The following ATXN1 variants were observed in gnomAD, a reference collection of about 807,000 sequenced individuals.
The protein encoded by ATXN1 is ataxin 1.
Under a neutral mutation model 56.4 loss-of-function variants are expected in ATXN1, and 8 were observed. The ratio of observed to expected loss-of-function variants is 0.14; its 90% CI spans 0.08 to 0.26. The LOEUF (loss-of-function observed/expected upper bound fraction) is 0.26. ATXN1 is among the 10% of genes least tolerant of loss of function. The pLI is 1.00. For missense variants in ATXN1, 987 were observed against 1,106.5 expected, an observed-to-expected ratio of 0.89 and a Z score of 1.53; for synonymous variants, 514 against 494.6, an observed-to-expected ratio of 1.04 and a Z score of -0.52.
At chr6:16,537,915 CATCATGGTG>C (rs376805732) in intron 4 of ATXN1, among the ~76,000 whole-genome samples, 4 of 151,772 alleles carry the variant, frequency 2.6e-5, no homozygotes, top group African/African-American at 9.7e-5. Context: ...CCAGCCTGGC[CATCATGGTG>C]ATACCCCATC....
In ATXN1 at chr6:16,326,841, C is replaced by A. The variant is rs756616449; in HGVS notation, c.1470G>T (p.Leu490=). ...TGTCAGTGCTGCCGACCGGGATGAG[C>A]AGGGGCTGTGTGCCGGGGATCACCA... ...QHLVIPGTQP[L]LIPVGSTDME... Residue 490 remains leucine, a synonymous_variant, in exon 7 of 8, where the codon CTG becomes CTT. Transcript: ENST00000436367. This position sits in a 1 kb window ranked among gnomAD's most constrained non-coding sequence, Gnocchi z 6.6. The A allele has an allele frequency of 6.2e-7, 1 of 1,608,528 alleles. No individual in the cohort carries two copies. Among genetic ancestry groups the A allele is most frequent in the Non-Finnish European group, 8.5e-7 (1 of 1,176,012 alleles).
chr6:16,712,258 T>C (rs1759540285), intron 2 of ATXN1, among the ~76,000 whole-genome samples: 1 of 151,922 alleles, frequency 6.6e-6, no homozygotes. Flanking sequence ...TACTTTCTTT[T>C]CACTATTAAT....
intron 4 of ATXN1, among the ~76,000 whole-genome samples, chr6:16,557,498 A>C (rs1762037209): frequency 6.6e-6 from 1 of 152,188 alleles, no homozygotes; most frequent in East Asian, 1.9e-4. Context: ...TGATGTCAAA[A>C]ATACAAATTA....
At chr6:16,402,242 G>GTTTTTTTTTTTTTTTT in intron 6 of ATXN1, among the ~76,000 whole-genome samples, 1 of 62,120 alleles carries the variant, frequency 1.6e-5, no homozygotes, top group Admixed American at 2.3e-4. Flanking sequence ...ACCACTGACA[G>GTTTTTTTTTTTTTTTT]TTTTTTTTTT....
At chr6:16,661,750 T>C (rs552115631) in intron 2 of ATXN1, among the ~76,000 whole-genome samples, 23 of 152,334 alleles carry the variant, frequency 1.5e-4, no homozygotes, top group African/African-American at 5.5e-4. Context: ...CAGGCTGTGA[T>C]GCAGTCCTGT....
At chr6:16,696,638 G>GT (rs1376469930) in intron 2 of ATXN1, among the ~76,000 whole-genome samples, 1 of 152,124 alleles carries the variant, frequency 6.6e-6, no homozygotes, top group Non-Finnish European at 1.5e-5. Flanking sequence ...AAATATGGAA[G>GT]TAAGAACAAA....
intron 1 of ATXN1, among the ~76,000 whole-genome samples, chr6:16,753,550 G>C (rs1760791106): frequency 6.6e-6 from 1 of 152,178 alleles, no homozygotes; most frequent in Admixed American, 6.5e-5. Flanking sequence ...AAGGCTCAGA[G>C]GGAGGCCAAC....
At chr6:16,694,621 G>T (rs758454801) in intron 2 of ATXN1, among the ~76,000 whole-genome samples, 1 of 152,058 alleles carries the variant, frequency 6.6e-6, no homozygotes, top group Non-Finnish European at 1.5e-5. Context: ...TATCTTTTCC[G>T]ATTAGAAACT....
rs373039136 is a variant in ATXN1 at position 16,412,668 on chromosome 6, TC to T, written c.-161+73303del. On this transcript the variant is annotated intron_variant, in intron 6 of 7. Coordinates refer to ENST00000436367, the MANE Select transcript of ATXN1 (RefSeq NM_001128164.2). ...GCTAATTAAATCTCCTAGGATGCCCTCACCCACACCCTAAGAAATTTGAAGG... is the reference window on the plus strand; with the variant it reads ...GCTAATTAAATCTCCTAGGATGCCCTACCCACACCCTAAGAAATTTGAAGG... Among the ~76,000 whole-genome samples the T allele has an allele frequency of 8.7e-4, 132 of 152,284 alleles. 1 individual carries two copies. Among genetic ancestry groups the T allele is most frequent in the African/African-American group, 3.1e-3 (128 of 41,528 alleles).
intron 2 of ATXN1, among the ~76,000 whole-genome samples, chr6:16,706,585 C>T (rs1441565926): frequency 2.0e-5 from 3 of 151,916 alleles, no homozygotes; most frequent in East Asian, 3.9e-4. Flanking sequence ...ATGGTCCGTG[C>T]GTGGTAGTGC....
At chr6:16,396,272 C>T (rs867350759) in intron 6 of ATXN1, among the ~76,000 whole-genome samples, 5 of 151,052 alleles carry the variant, frequency 3.3e-5, no homozygotes, top group Admixed American at 1.3e-4. Flanking sequence ...AAAAAAAAAA[C>T]TTTTTTTAAT....
intron 6 of ATXN1, among the ~76,000 whole-genome samples, chr6:16,350,928 A>C (rs1333914701): frequency 1.3e-5 from 2 of 152,080 alleles, no homozygotes; most frequent in Non-Finnish European, 2.9e-5. Context: ...CAAAATAATA[A>C]AAAAATTTAG....
Position 16,303,530 on chromosome 6 carries a change from T to A in ATXN1, c.*2799A>T, listed in dbSNP as rs1266772756. ...TAACTATATAGCACACTGGTCAGACTCTATTGGCACAGAAAGTATTGCACA... is the reference window on the plus strand; with the variant it reads ...TAACTATATAGCACACTGGTCAGACACTATTGGCACAGAAAGTATTGCACA... On this transcript the variant is annotated 3_prime_UTR_variant, in exon 8 of 8. Coordinates refer to ENST00000436367, the MANE Select transcript of ATXN1 (RefSeq NM_001128164.2). This position sits in a 1 kb window ranked among gnomAD's most constrained non-coding sequence, Gnocchi z 4.3. 6.6e-6 allele frequency: 1 copy of A among 152,648 alleles called. No homozygotes were observed. The highest frequency in any genetic ancestry group is 2.1e-4 in the South Asian group (1 of 4,832). 9.5% of individuals were successfully genotyped at this position (152,648 alleles called of 1,614,324 possible).
Position 16,346,869 on chromosome 6 carries a change from C to T in ATXN1, c.-160-18399G>A, listed in dbSNP as rs149233199. On this transcript the variant is annotated intron_variant, in intron 6 of 7. Coordinates refer to ENST00000436367, the MANE Select transcript of ATXN1 (RefSeq NM_001128164.2). ...CCAGAGCCGGCTCCCTCAGCTTGCGCGGAGGTGTGGAAGGAGAGGCGTGGG... is the reference window on the plus strand; with the variant it reads ...CCAGAGCCGGCTCCCTCAGCTTGCGTGGAGGTGTGGAAGGAGAGGCGTGGG... Among the ~76,000 whole-genome samples, 389 of 152,318 alleles carry T rather than the reference C, an allele frequency of 2.6e-3. 12 individuals are homozygous for T. In the East Asian group the frequency reaches 0.062, roughly 24 times the overall value.
chr6:16,470,559 GATT>G (rs779374125), intron 6 of ATXN1, among the ~76,000 whole-genome samples: 3 of 152,178 alleles, frequency 2.0e-5, no homozygotes, highest in Non-Finnish European at 4.4e-5. Context: ...AAAGTTATCT[GATT>G]ATTATTATGT....
At chr6:16,438,530 T>TA (rs1242135135) in intron 6 of ATXN1, among the ~76,000 whole-genome samples, 1 of 152,224 alleles carries the variant, frequency 6.6e-6, no homozygotes, top group Admixed American at 6.5e-5. Context: ...TTGTAGACAG[T>TA]AAATTTTAAT....
intron 3 of ATXN1, among the ~76,000 whole-genome samples, chr6:16,642,026 AATTG>A (rs112759347): frequency 0.038 from 5,839 of 152,234 alleles, 381 homozygotes; most frequent in African/African-American, 0.13. Context: ...AATGTGACTG[AATTG>A]ATTGCTGCAA....
intron 4 of ATXN1, among the ~76,000 whole-genome samples, chr6:16,529,223 T>G (rs1309292421): frequency 3.6e-4 from 54 of 151,134 alleles, no homozygotes; most frequent in Admixed American, 5.3e-4. Flanking sequence ...TTTTTTTTTT[T>G]TGTGAAGATA....
At chr6:16,345,686 G>T (rs1761366085) in intron 6 of ATXN1, among the ~76,000 whole-genome samples, 1 of 152,184 alleles carries the variant, frequency 6.6e-6, no homozygotes. Context: ...GAATGAGGCT[G>T]CAGTGTAGTG....
Sources: allele counts gnomAD v4.1 joint callset (sites outside exome capture counted in the v4.1 genomes callset), GRCh38; gene constraint gnomAD v4.1.1; non-coding constraint Gnocchi (gnomAD v3.1); transcripts MANE v1.5; gene names NCBI Gene and HGNC (gene_info 2026-07-23, HGNC 2026-07-21).